The following TNNI3K variants were observed in gnomAD, a reference collection of about 807,000 sequenced individuals.
TNNI3K encodes serine/threonine-protein kinase TNNI3K.
A neutral mutation model predicts 114.5 loss-of-function variants in TNNI3K; 140 were observed. That is an observed-to-expected ratio of 1.22 (90% confidence interval 1.07 to 1.41). The LOEUF is 1.41. Among genes scored for constraint, TNNI3K ranks in the 40% most tolerant of loss-of-function variants. TNNI3K has a pLI of 0.00. For missense variants in TNNI3K, 1,125 were observed against 1,007.6 expected (o/e 1.12, Z -1.58); for synonymous variants, 347 against 347.5 (o/e 1.00, Z 0.02).
chr1:74,329,134 G>A (rs1430684646), intron 5 of TNNI3K, among the ~76,000 whole-genome samples: 1 of 151,966 alleles, frequency 6.6e-6, no homozygotes, highest in African/African-American at 2.4e-5. Context: ...CAGAGGAGTG[G>A]ACTGGTAAAA....
chr1:74,326,369 A>G (rs1285833035), intron 5 of TNNI3K, among the ~76,000 whole-genome samples: 1 of 152,120 alleles, frequency 6.6e-6, no homozygotes, highest in Non-Finnish European at 1.5e-5. Context: ...AAAGAGAGGG[A>G]GCTAAATGGA....
intron 9 of TNNI3K, among the ~76,000 whole-genome samples, chr1:74,349,690 T>A (rs781666474): frequency 4.6e-5 from 7 of 152,236 alleles, no homozygotes; most frequent in Middle Eastern, 3.2e-3. Context: ...TCTTCCTGGT[T>A]TAGTCTTGGG....
intron 17 of TNNI3K, chr1:74,370,718 T>C (rs755450591): frequency 1.1e-5 from 2 of 177,410 alleles, no homozygotes; most frequent in Non-Finnish European, 2.3e-5. Context: ...AAAAATGATA[T>C]GTCTCCTATA....
At chr1:74,375,352 A>G (rs2100534999) in intron 17 of TNNI3K, 1 of 210,628 alleles carries the variant, frequency 4.7e-6, no homozygotes, top group East Asian at 1.1e-4. Flanking sequence ...GGAACTTGAA[A>G]CTAAGACAAT....
intron 2 of TNNI3K, chr1:74,240,656 A>C (rs1654133785): frequency 6.6e-6 from 1 of 152,188 alleles, no homozygotes; most frequent in Admixed American, 6.6e-5. Flanking sequence ...TTTTTATCAT[A>C]ATAAATTTTA....
At chr1:74,252,112 A>G (rs1654964495) in intron 4 of TNNI3K, among the ~76,000 whole-genome samples, 1 of 152,182 alleles carries the variant, frequency 6.6e-6, no homozygotes, top group South Asian at 2.1e-4. Flanking sequence ...ACCGTCTGGG[A>G]GATTTTTTCT....
At chr1:74,490,423 A>G (rs902309844) in intron 22 of TNNI3K, among the ~76,000 whole-genome samples, 15 of 152,188 alleles carry the variant, frequency 9.9e-5, no homozygotes, top group African/African-American at 3.4e-4. Context: ...CTTCGAGCCT[A>G]ATGGGATAGA....
At chr1:74,365,656 A>G (rs1662230208) in intron 11 of TNNI3K, among the ~76,000 whole-genome samples, 1 of 152,056 alleles carries the variant, frequency 6.6e-6, no homozygotes, top group African/African-American at 2.4e-5. Flanking sequence ...TGGGACTACT[A>G]CATTATCTAT....
intron 5 of TNNI3K, among the ~76,000 whole-genome samples, chr1:74,315,273 T>C (rs932047364): frequency 6.6e-6 from 1 of 152,132 alleles, no homozygotes; most frequent in South Asian, 2.1e-4. Context: ...ATTAGTCTAG[T>C]TTAAATACTA....
In TNNI3K at chr1:74,340,220, T is replaced by G. The variant is rs192521506; in HGVS notation, c.683-2622T>G. On this transcript the variant is annotated intron_variant, in intron 7 of 24. Coordinates refer to ENST00000326637, the MANE Select transcript of TNNI3K (RefSeq NM_015978.3). Reference sequence around the variant, plus strand: ...CCATTCACCCAATATTCAATATTTCTTTCAAAAGACATCACTATCTACCTA... The same window carrying G: ...CCATTCACCCAATATTCAATATTTCGTTCAAAAGACATCACTATCTACCTA... Among the ~76,000 whole-genome samples the G allele has an allele frequency of 1.7e-4, 26 of 152,228 alleles. 1 individual carries two copies. Among genetic ancestry groups the G allele is most frequent in the African/African-American group, 6.3e-4 (26 of 41,566 alleles).
intron 6 of TNNI3K, among the ~76,000 whole-genome samples, chr1:74,334,740 C>T (rs1346441077): frequency 1.3e-5 from 2 of 152,122 alleles, no homozygotes; most frequent in African/African-American, 4.8e-5. Flanking sequence ...AGTTCACTCA[C>T]ATATCCAGAA....
intron 17 of TNNI3K, among the ~76,000 whole-genome samples, chr1:74,424,907 G>T (rs1665562066): frequency 6.6e-6 from 1 of 152,046 alleles, no homozygotes; most frequent in Non-Finnish European, 1.5e-5. Flanking sequence ...TCCACCTGGA[G>T]AAATATGAGA....
chr1:74,258,999 A>G (rs1655504713), intron 4 of TNNI3K, among the ~76,000 whole-genome samples: 1 of 152,250 alleles, frequency 6.6e-6, no homozygotes, highest in Non-Finnish European at 1.5e-5. Context: ...AATTATGGTC[A>G]CATGATCAGT....
rs1021624328 is a variant in TNNI3K at position 74,409,848 on chromosome 1, G to A, written c.1773-26232G>A. On this transcript the variant is annotated intron_variant, in intron 17 of 24. Coordinates refer to ENST00000326637, the MANE Select transcript of TNNI3K (RefSeq NM_015978.3). ...CACATCTCAAATTGTGGGGTGTAGG[G>A]ATTTTATATTTTTTATTATTATTCT... is the stretch of plus-strand genomic sequence containing the variant. 8.5e-5 allele frequency among the ~76,000 whole-genome samples: 13 copies of A among 152,138 alleles called. No individual in the cohort carries two copies. In the East Asian group the frequency reaches 2.5e-3, roughly 29 times the overall value.
At chr1:74,511,222 C>T (rs1249391645) in intron 23 of TNNI3K, among the ~76,000 whole-genome samples, 2 of 148,642 alleles carry the variant, frequency 1.3e-5, no homozygotes, top group Admixed American at 6.7e-5. Flanking sequence ...GATGGAATTT[C>T]GCTCTTATTG....
chr1:74,452,721 T>C (rs1667077668), intron 20 of TNNI3K, among the ~76,000 whole-genome samples: 1 of 151,504 alleles, frequency 6.6e-6, no homozygotes, highest in South Asian at 2.1e-4. Flanking sequence ...GCTCTTAAGA[T>C]AAAAACAAAA....
intron 23 of TNNI3K, among the ~76,000 whole-genome samples, chr1:74,536,655 A>T (rs776364999): frequency 6.6e-6 from 1 of 152,120 alleles, no homozygotes; most frequent in Non-Finnish European, 1.5e-5. Flanking sequence ...ATAAAATTTC[A>T]TTTTACATCC....
intron 23 of TNNI3K, among the ~76,000 whole-genome samples, chr1:74,529,520 A>C (rs1452562982): frequency 6.6e-6 from 1 of 152,246 alleles, no homozygotes; most frequent in African/African-American, 2.4e-5. Context: ...ATTCTGAATT[A>C]GATTCTTTTG....
rs139011879 is a variant in TNNI3K, at chr1:74,434,356, A to G, written c.1773-1724A>G. Among the ~76,000 whole-genome samples, 3 of 151,976 alleles carry G rather than the reference A, an allele frequency of 2.0e-5. No individual in the cohort carries two copies. In the East Asian group the frequency reaches 5.8e-4, roughly 29 times the overall value. ...TGCCCTTTGCCAAGATCTTTCCCCA[A>G]TCTAGAATTCATTTCCCCTTTGTCT... On this transcript the variant is annotated intron_variant, in intron 17 of 24. Transcript: ENST00000326637.
Sources: allele counts gnomAD v4.1 joint callset (sites outside exome capture counted in the v4.1 genomes callset), GRCh38; gene constraint gnomAD v4.1.1; transcripts MANE v1.5; gene names NCBI Gene and HGNC (gene_info 2026-07-23, HGNC 2026-07-21).